Variants in COL6A6 observed in about 807,000 individuals in gnomAD.
COL6A6 encodes the protein collagen type VI alpha 6 chain.
In COL6A6, 183 loss-of-function variants were observed where a neutral mutation model predicts 208.6. That is an observed-to-expected ratio of 0.88 (90% confidence interval 0.78 to 0.99). The LOEUF (loss-of-function observed/expected upper bound fraction) is 0.99, where lower values mean the gene tolerates loss of function less well. Ranked by LOEUF, COL6A6 falls within the 50% of genes least tolerant of loss-of-function variation. The pLI is 0.00. For missense variants in COL6A6, 2,816 were observed against 2,815.2 expected, an observed-to-expected ratio of 1.00 and a Z score of -0.01; for synonymous variants, 973 against 1,011.8, an observed-to-expected ratio of 0.96 and a Z score of 0.73.
Position 130,568,092 on chromosome 3 carries a change from C to T in COL6A6, c.1889C>T (p.Ser630Phe). 6.2e-7 allele frequency: 1 copy of T among 1,613,856 alleles called. No individual in the cohort carries two copies. The highest frequency in any genetic ancestry group is 8.5e-7 in the Non-Finnish European group (1 of 1,179,826). ...KADIMFLVDS[S>F]GSIGPENFSK... ...GACATCATGTTTCTGGTGGACAGTT[C>T]TGGAAGTATAGGACCTGAAAACTTC... Residue 630 changes from serine (S) to phenylalanine (F), a missense_variant, in exon 6 of 37, where the codon TCT becomes TTT. Physicochemically the swap from Ser to Phe is radical, Grantham distance 155. Transcript: ENST00000358511.
intron 1 of COL6A6, among the ~76,000 whole-genome samples, chr3:130,525,429 T>A (rs2061940010): frequency 1.3e-5 from 2 of 152,224 alleles, no homozygotes; most frequent in East Asian, 3.8e-4. Context: ...TGGATCTCTG[T>A]TATTGAAATT....
chr3:130,583,552 T>C (rs567638582), intron 10 of COL6A6, among the ~76,000 whole-genome samples: 2 of 152,234 alleles, frequency 1.3e-5, no homozygotes, highest in Non-Finnish European at 2.9e-5. Flanking sequence ...TAAATGGGTA[T>C]CAACTTCAGA....
At chr3:130,536,377 A>G (rs2062225352) in intron 1 of COL6A6, among the ~76,000 whole-genome samples, 1 of 152,044 alleles carries the variant, frequency 6.6e-6, no homozygotes, top group Non-Finnish European at 1.5e-5. Context: ...ACTGTTCCAG[A>G]CTCCAGGGTG....
At chr3:130,637,211 TGAA>T (rs796969756) in intron 28 of COL6A6, among the ~76,000 whole-genome samples, 2 of 136,292 alleles carry the variant, frequency 1.5e-5, no homozygotes, top group African/African-American at 5.6e-5. Context: ...AAAAAAAAGA[TGAA>T]GACAGATATA....
chr3:130,648,324 GATA>G (rs1228072637), intron 32 of COL6A6, among the ~76,000 whole-genome samples: 1 of 152,216 alleles, frequency 6.6e-6, no homozygotes, highest in Non-Finnish European at 1.5e-5. Flanking sequence ...AGTCTGGAAT[GATA>G]ATTATAACAG....
chr3:130,545,093 A>T (rs1015503166), intron 1 of COL6A6, among the ~76,000 whole-genome samples: 3 of 152,220 alleles, frequency 2.0e-5, no homozygotes, highest in Admixed American at 6.5e-5. Flanking sequence ...AACCAAAATC[A>T]TTAAGACCAA....
intron 20 of COL6A6, among the ~76,000 whole-genome samples, chr3:130,602,023 A>G (rs2064038389): frequency 6.6e-6 from 1 of 152,230 alleles, no homozygotes; most frequent in South Asian, 2.1e-4. Flanking sequence ...ATATACACAT[A>G]GGGCCATAGT....
chr3:130,657,607 T>C (rs992460379), intron 33 of COL6A6, among the ~76,000 whole-genome samples: 1 of 152,140 alleles, frequency 6.6e-6, no homozygotes, highest in Non-Finnish European at 1.5e-5. Context: ...ACTCCTAAGA[T>C]AGGTTTTCAG....
chr3:130,595,568 C>T (rs1453997962), intron 18 of COL6A6, among the ~76,000 whole-genome samples: 1 of 152,186 alleles, frequency 6.6e-6, no homozygotes, highest in Non-Finnish European at 1.5e-5. Flanking sequence ...ATATAAGTGT[C>T]TGCTCTTTTT....
chr3:130,613,660 C>A (rs2064426229), intron 23 of COL6A6, among the ~76,000 whole-genome samples: 2 of 152,056 alleles, frequency 1.3e-5, no homozygotes, highest in African/African-American at 4.8e-5. Context: ...GAATGTTTTC[C>A]TATTTGTGTC....
chr3:130,553,939 G>T (rs7636257), intron 1 of COL6A6, among the ~76,000 whole-genome samples: 5 of 152,038 alleles, frequency 3.3e-5, no homozygotes, highest in South Asian at 4.2e-4. Flanking sequence ...GTATTGACTG[G>T]CATCATTTCT....
At chr3:130,555,051 A>G (rs1285557582) in intron 1 of COL6A6, among the ~76,000 whole-genome samples, 4 of 152,164 alleles carry the variant, frequency 2.6e-5, no homozygotes, top group African/African-American at 9.7e-5. Context: ...TACTCTGTTC[A>G]GGTCCAACAG....
intron 8 of COL6A6, among the ~76,000 whole-genome samples, chr3:130,577,356 C>T (rs2063322458): frequency 6.6e-6 from 1 of 152,102 alleles, no homozygotes; most frequent in African/African-American, 2.4e-5. Context: ...TTAAATTAAG[C>T]TGTTTTCTTG....
intron 29 of COL6A6, among the ~76,000 whole-genome samples, chr3:130,642,536 G>C (rs899022581): frequency 6.6e-6 from 1 of 152,176 alleles, no homozygotes; most frequent in African/African-American, 2.4e-5. Context: ...GCAAGTGTCA[G>C]GTTGTCAGCT....
chr3:130,556,428 T>C (rs189422720), intron 1 of COL6A6, among the ~76,000 whole-genome samples: 1 of 152,332 alleles, frequency 6.6e-6, no homozygotes, highest in African/African-American at 2.4e-5. Context: ...GATAATCTGT[T>C]TCTTGAAAGG....
intron 36 of COL6A6, among the ~76,000 whole-genome samples, chr3:130,671,676 C>T (rs1432262486): frequency 6.6e-6 from 1 of 152,164 alleles, no homozygotes; most frequent in Non-Finnish European, 1.5e-5. Flanking sequence ...ATAAAGATGA[C>T]TCATCAGGTC....
chr3:130,583,972 A>G (rs1186280009), intron 10 of COL6A6, among the ~76,000 whole-genome samples: 1 of 152,224 alleles, frequency 6.6e-6, no homozygotes, highest in East Asian at 1.9e-4. Context: ...GGAGACAAGG[A>G]AAAAACAATC....
Position 130,598,371 on chromosome 3 carries a change from C to T in COL6A6, c.4540C>T (p.Pro1514Ser), listed in dbSNP as rs1306436121. 7 of 1,543,828 alleles carry T rather than the reference C, an allele frequency of 4.5e-6. No individual in the cohort carries two copies. Among genetic ancestry groups the T allele is most frequent in the Middle Eastern group, 1.7e-4 (1 of 5,994 alleles). ...CTTTATTTTCTATTTTTAGGGAGCT[C>T]CTGGAGTTGACAGTAGCATAGAAGG... ...AKGLRGDPGAPGVDSSIEGPT... is the reference protein window; with the variant it reads ...AKGLRGDPGASGVDSSIEGPT... The change falls in exon 19 of 37, where the codon CCT becomes TCT. Residue 1514 changes from proline (P) to serine (S), a missense_variant. Pro to Ser is a moderately conservative substitution (Grantham distance 74). Coordinates refer to ENST00000358511, the MANE Select transcript of COL6A6 (RefSeq NM_001102608.3).
intron 2 of COL6A6, among the ~76,000 whole-genome samples, chr3:130,562,061 C>T (rs1048806351): frequency 6.6e-6 from 1 of 152,186 alleles, no homozygotes; most frequent in Non-Finnish European, 1.5e-5. Context: ...TGACTTGTTC[C>T]ATTATGCTGT....
Sources: gnomAD v4.1 joint callset for allele counts (sites outside exome capture counted in the v4.1 genomes callset) on GRCh38, gnomAD v4.1.1 for gene constraint, MANE v1.5 for transcripts, NCBI Gene and HGNC (gene_info 2026-07-23, HGNC 2026-07-21) for gene names.